Variants in DAD1 observed in about 807,000 individuals in gnomAD.
The protein encoded by DAD1 is dolichyl-diphosphooligosaccharide--protein glycosyltransferase subunit DAD1.
A neutral mutation model predicts 9.0 loss-of-function variants in DAD1; 4 were observed. The ratio of observed to expected loss-of-function variants is 0.44; its 90% CI spans 0.22 to 1.01. The LOEUF is 1.01. Ranked by LOEUF, DAD1 falls within the 50% of genes least tolerant of loss-of-function variation. DAD1 has a pLI of 0.24. For synonymous variants in DAD1, 60 were observed against 62.5 expected (o/e 0.96, Z 0.19); for missense variants, 119 against 137.3 (o/e 0.87, Z 0.67).
At chr14:22,584,337 A>G (rs1413722984) in intron 1 of DAD1, among the ~76,000 whole-genome samples, 1 of 152,120 alleles carries the variant, frequency 6.6e-6, no homozygotes, top group Non-Finnish European at 1.5e-5. Context: ...GCACAATGCC[A>G]TATCTCTCTC....
chr14:22,587,706 T>A (rs1230420493), intron 1 of DAD1, among the ~76,000 whole-genome samples: 4 of 151,942 alleles, frequency 2.6e-5, no homozygotes, highest in African/African-American at 4.8e-5. Context: ...ATTCTATAGG[T>A]CTGTAACTTT....
intron 2 of DAD1, among the ~76,000 whole-genome samples, chr14:22,573,709 CAAAAAAAAA>C (rs553176098): frequency 0.022 from 959 of 44,520 alleles, 11 homozygotes; most frequent in South Asian, 0.081. Flanking sequence ...GACTCCATCT[CAAAAAAAAA>C]AAAAAAAAAA....
intron 1 of DAD1, 50 bp from the exon 2 acceptor site, chr14:22,575,283 A>AAAT: frequency 6.3e-7 from 1 of 1,591,726 alleles, no homozygotes; most frequent in Non-Finnish European, 8.6e-7. Context: ...AGTATAAAAT[A>AAAT]AATATGCTAA....
intron 2 of DAD1, among the ~76,000 whole-genome samples, chr14:22,573,603 G>A (rs941581032): frequency 6.6e-6 from 1 of 151,266 alleles, no homozygotes; most frequent in Non-Finnish European, 1.5e-5. Context: ...CCAGCTACTC[G>A]GGAGGCTGAG....
At chr14:22,566,470 A>G (rs2037002819) in intron 2 of DAD1, among the ~76,000 whole-genome samples, 1 of 152,028 alleles carries the variant, frequency 6.6e-6, no homozygotes, top group Admixed American at 6.6e-5. Flanking sequence ...AGTAGCTGGG[A>G]TTACAGGCGT....
In DAD1 at chr14:22,567,701, G is replaced by C. The variant is rs1483967; in HGVS notation, c.*45-2564C>G. ...AATGTTCAATAACCACATGTGGCTA[G>C]TGGTTACCATAATGGGCGGTGCAGA... On this transcript the variant is annotated intron_variant, in intron 2 of 2. Transcript: ENST00000250498. Among the ~76,000 whole-genome samples, 4 of 152,350 alleles carry C rather than the reference G, an allele frequency of 2.6e-5. No individual in the cohort carries two copies. The East Asian group carries it at 7.7e-4, about 29-fold the overall frequency.
At chr14:22,569,837 A>C (rs2037026409) in intron 2 of DAD1, among the ~76,000 whole-genome samples, 1 of 152,250 alleles carries the variant, frequency 6.6e-6, no homozygotes, top group Admixed American at 6.5e-5. Context: ...TAAGAATGAA[A>C]GGTAAAGAAC....
intron 2 of DAD1, among the ~76,000 whole-genome samples, chr14:22,571,809 T>C (rs904444078): frequency 6.6e-6 from 1 of 151,886 alleles, no homozygotes; most frequent in Admixed American, 6.6e-5. Flanking sequence ...TTTGTCTTTT[T>C]AGTAGAGACG....
intron 2 of DAD1, among the ~76,000 whole-genome samples, chr14:22,571,024 TTA>T (rs1491189089): frequency 2.1e-5 from 2 of 97,534 alleles, no homozygotes; most frequent in African/African-American, 1.3e-4. Context: ...TTTTTTTTTT[TTA>T]AAAAAGAGTT....
rs1486633279 is a variant in DAD1 at position 22,565,084 on chromosome 14, G to A, written c.*98C>T. ...GTGCAAATCTGAAGAAAATCCATGT[G>A]TCCAATAAGCTGCCATCTCCAGAAC... is the stretch of plus-strand genomic sequence containing the variant. On this transcript the variant is annotated 3_prime_UTR_variant, in exon 3 of 3. Transcript: ENST00000250498. 1 of 701,924 alleles carries A rather than the reference G, an allele frequency of 1.4e-6. No homozygotes were observed. Among genetic ancestry groups the A allele is most frequent in the Non-Finnish European group, 2.6e-6 (1 of 384,662 alleles). The allele number at this position is 701,924 out of a possible 1,614,324, so 43.5% of individuals were successfully genotyped here. A position where few individuals can be genotyped will look rare whatever the true frequency, so the allele number is the denominator to read the frequency against.
chr14:22,566,883 C>G (rs901368992), intron 2 of DAD1, among the ~76,000 whole-genome samples: 1 of 152,190 alleles, frequency 6.6e-6, no homozygotes, highest in Non-Finnish European at 1.5e-5. Context: ...AGATCTGCTT[C>G]CCCTCTTTTA....
intron 1 of DAD1, among the ~76,000 whole-genome samples, chr14:22,584,701 T>C (rs962168269): frequency 6.6e-6 from 1 of 151,730 alleles, no homozygotes; most frequent in Non-Finnish European, 1.5e-5. Context: ...TGGAGCAGAG[T>C]ATAGAGGAGG....
intron 2 of DAD1, among the ~76,000 whole-genome samples, chr14:22,570,190 G>A (rs946379130): frequency 1.6e-5 from 2 of 125,574 alleles, no homozygotes; most frequent in African/African-American, 4.1e-5. Flanking sequence ...AGATTATTGC[G>A]TGGGAGGTCA....
chr14:22,567,813 C>T (rs1252048001), intron 2 of DAD1, among the ~76,000 whole-genome samples: 1 of 152,162 alleles, frequency 6.6e-6, no homozygotes, highest in African/African-American at 2.4e-5. Flanking sequence ...GTCTCCTGAC[C>T]TGCATTCTCC....
intron 2 of DAD1, among the ~76,000 whole-genome samples, chr14:22,567,685 T>C (rs1370565644): frequency 6.6e-6 from 1 of 152,212 alleles, no homozygotes; most frequent in Non-Finnish European, 1.5e-5. Context: ...AAATGTTCAA[T>C]AACCACATGT....
chr14:22,578,322 T>C (rs1047415325), intron 1 of DAD1, among the ~76,000 whole-genome samples: 6 of 151,850 alleles, frequency 4.0e-5, no homozygotes, highest in Non-Finnish European at 7.4e-5. Context: ...CCCCGCACTT[T>C]GGGAGGCCAA....
intron 2 of DAD1, among the ~76,000 whole-genome samples, chr14:22,571,831 T>C (rs5742821): frequency 1.9e-4 from 29 of 152,144 alleles, no homozygotes; most frequent in African/African-American, 6.3e-4. Context: ...GGTTTCACCA[T>C]GTTGGCCAGG....
intron 1 of DAD1, among the ~76,000 whole-genome samples, chr14:22,576,573 G>A (rs1006125721): frequency 1.3e-5 from 2 of 152,120 alleles, no homozygotes; most frequent in Admixed American, 1.3e-4. Context: ...ATGATTTATT[G>A]GATATGACAC....
chr14:22,570,684 T>C (rs942950386), intron 2 of DAD1, among the ~76,000 whole-genome samples: 1 of 152,248 alleles, frequency 6.6e-6, no homozygotes, highest in African/African-American at 2.4e-5. Context: ...TAAACAGTGC[T>C]GCCAGTCAGA....
Sources: allele counts gnomAD v4.1 joint callset (sites outside exome capture counted in the v4.1 genomes callset), GRCh38; gene constraint gnomAD v4.1.1; transcripts MANE v1.5; gene names NCBI Gene and HGNC (gene_info 2026-07-23, HGNC 2026-07-21).